The following AK5 variants were observed in gnomAD, a reference collection of about 807,000 sequenced individuals.
AK5 encodes the protein adenylate kinase isoenzyme 5.
AK5 carries 27 observed loss-of-function variants against 69.5 expected under a neutral mutation model. That is an observed-to-expected ratio of 0.39 (90% confidence interval 0.29 to 0.54). The LOEUF is 0.54. Ranked by LOEUF, AK5 falls within the 20% of genes least tolerant of loss-of-function variation. The pLI, the probability that AK5 is intolerant of heterozygous loss-of-function variation, is 0.71. For missense variants in AK5, 531 were observed against 700.4 expected (o/e 0.76, Z 2.73); for synonymous variants, 260 against 244.4 (o/e 1.06, Z -0.60).
intron 6 of AK5, among the ~76,000 whole-genome samples, chr1:77,404,857 A>G (rs989075299): frequency 6.6e-6 from 1 of 152,234 alleles, no homozygotes; most frequent in Non-Finnish European, 1.5e-5. Context: ...TAGTTATTCA[A>G]CAAATACTTG....
At chr1:77,344,592 A>AT (rs2100393739) in intron 6 of AK5, among the ~76,000 whole-genome samples, 1 of 152,278 alleles carries the variant, frequency 6.6e-6, no homozygotes, top group Admixed American at 6.5e-5. Flanking sequence ...TTGAAACTGT[A>AT]TAACTCTTGA....
In AK5 at chr1:77,367,589, T is replaced by TTATATATATGTAA. The variant is rs374382779; in HGVS notation, c.891+27028_891+27029insATGTAATATATAT. Among the ~76,000 whole-genome samples the TTATATATATGTAA allele has an allele frequency of 1.6e-4, 7 of 43,594 alleles. 1 individual carries two copies. The highest frequency in any genetic ancestry group is 4.8e-4 in the African/African-American group (6 of 12,480). The allele number at this position is 43,594 out of a possible 152,430, so 28.6% of individuals were successfully genotyped here. A position where few individuals can be genotyped will look rare whatever the true frequency, so the allele number is the denominator to read the frequency against. On this transcript the variant is annotated intron_variant, in intron 6 of 13. Transcript: ENST00000354567. ...TATATATATATATATAATATATATG[T>TTATATATATGTAA]TATATATGTAATATATATGTAATAT...
intron 6 of AK5, among the ~76,000 whole-genome samples, chr1:77,347,401 G>A (rs1350207984): frequency 6.6e-6 from 1 of 152,188 alleles, no homozygotes; most frequent in East Asian, 1.9e-4. Flanking sequence ...TTAACTGTGT[G>A]TAGAGCTGCC....
chr1:77,475,457 AATATATAT>A (rs1654857175), intron 8 of AK5, among the ~76,000 whole-genome samples: 1 of 5,180 alleles, frequency 1.9e-4, no homozygotes, highest in African/African-American at 3.3e-4. Context: ...TATATATACA[AATATATAT>A]TATATATGTA....
chr1:77,320,818 G>C (rs1262958355), intron 5 of AK5, among the ~76,000 whole-genome samples: 1 of 152,158 alleles, frequency 6.6e-6, no homozygotes, highest in Non-Finnish European at 1.5e-5. Flanking sequence ...CATTAAAGTA[G>C]ACTTCAGACA....
At chr1:77,504,798 T>C (rs1656935689) in intron 10 of AK5, among the ~76,000 whole-genome samples, 1 of 152,240 alleles carries the variant, frequency 6.6e-6, no homozygotes, top group South Asian at 2.1e-4. Flanking sequence ...AATCACACTA[T>C]ATAACTGTAT....
chr1:77,411,032 G>C lies in AK5; in HGVS notation c.943G>C (p.Val315Leu). ...GGTGTTCTATGACATCAGCATGGCA[G>C]TTGACAACAAGTTATTTCCAAACAA... ...DEVFYDISMA[V>L]DNKLFPNKEA... Residue 315 changes from valine (V) to leucine (L), a missense_variant, in exon 7 of 14, where the codon GTT becomes CTT. Val to Leu is a conservative substitution (Grantham distance 32, BLOSUM62 1). Transcript: ENST00000354567. 6.2e-7 allele frequency: 1 copy of C among 1,613,872 alleles called. No homozygotes were observed. Among genetic ancestry groups the C allele is most frequent in the Non-Finnish European group, 8.5e-7 (1 of 1,179,896 alleles).
rs1022236881 is a variant in AK5 at position 77,531,521 on chromosome 1, T to A, written c.1429-4326T>A. Among the ~76,000 whole-genome samples the A allele has an allele frequency of 5.3e-5, 8 of 152,124 alleles. No individual in the cohort carries two copies. The South Asian group carries it at 6.2e-4, about 12-fold the overall frequency. ...AAGGTTCTCCAAGTCCCCACCAGAG[T>A]AGCTAGATACAGAGTGTTGATTGGT... is the stretch of plus-strand genomic sequence containing the variant. On this transcript the variant is annotated intron_variant, in intron 12 of 13. Coordinates refer to ENST00000354567, the MANE Select transcript of AK5 (RefSeq NM_174858.3).
chr1:77,428,614 T>A (rs914122314), intron 8 of AK5, among the ~76,000 whole-genome samples: 24 of 152,204 alleles, frequency 1.6e-4, no homozygotes, highest in Admixed American at 2.6e-4. Context: ...TTAATTTTTT[T>A]AATTATACTT....
Position 77,559,756 on chromosome 1 carries a change from T to C in AK5, c.*1086T>C, listed in dbSNP as rs186075277. ...TCTCTTTTGTGCTATCAATCAGTTGTAAAATCAGAGCTGCTTATATATTCT... is the reference window on the plus strand; with the variant it reads ...TCTCTTTTGTGCTATCAATCAGTTGCAAAATCAGAGCTGCTTATATATTCT... On this transcript the variant is annotated 3_prime_UTR_variant, in exon 14 of 14. Transcript: ENST00000354567. The C allele has an allele frequency of 6.6e-6, 1 of 152,374 alleles. No individual in the cohort carries two copies. The highest frequency in any genetic ancestry group is 1.9e-4 in the East Asian group (1 of 5,194). The allele number at this position is 152,374 out of a possible 1,614,324, so 9.4% of individuals were successfully genotyped here. A position where few individuals can be genotyped will look rare whatever the true frequency, so the allele number is the denominator to read the frequency against.
At chr1:77,553,470 A>ATT (rs777793194) in intron 13 of AK5, among the ~76,000 whole-genome samples, 88 of 152,312 alleles carry the variant, frequency 5.8e-4, no homozygotes, top group Non-Finnish European at 1.1e-3. Flanking sequence ...GTAGTGAGAA[A>ATT]ATTCACATGC....
At chr1:77,468,278 T>G (rs1319686222) in intron 8 of AK5, among the ~76,000 whole-genome samples, 1 of 152,210 alleles carries the variant, frequency 6.6e-6, no homozygotes, top group Admixed American at 6.5e-5. Flanking sequence ...AACCTTCACC[T>G]CAAGTCAGGC....
chr1:77,341,619 G>C (rs1053910472), intron 6 of AK5, among the ~76,000 whole-genome samples: 1 of 152,210 alleles, frequency 6.6e-6, no homozygotes, highest in African/African-American at 2.4e-5. Context: ...CTCTTCATTA[G>C]ACTAGGATGC....
At chr1:77,512,520 G>A (rs17384946) in intron 10 of AK5, among the ~76,000 whole-genome samples, 25,660 of 150,784 alleles carry the variant, frequency 0.17, 2,439 homozygotes, top group Non-Finnish European at 0.18. Context: ...TTGGGGGAAC[G>A]GGACAAATTT....
At chr1:77,482,026 AGAG>A (rs946259165) in intron 8 of AK5, among the ~76,000 whole-genome samples, 8 of 152,266 alleles carry the variant, frequency 5.3e-5, no homozygotes, top group Admixed American at 6.5e-5. Flanking sequence ...TACATTGATC[AGAG>A]AAAAAGCAAG....
chr1:77,416,121 G>A (rs1381124487), intron 7 of AK5, among the ~76,000 whole-genome samples: 10 of 151,436 alleles, frequency 6.6e-5, no homozygotes, highest in African/African-American at 1.7e-4. Context: ...GCTTTACGAC[G>A]GCTGAGTATT....
At chr1:77,297,410 A>G (rs1037730116) in intron 3 of AK5, 149 bp from the exon 4 acceptor site, 10 of 606,900 alleles carry the variant, frequency 1.6e-5, no homozygotes, top group Middle Eastern at 3.6e-4. Context: ...CTTTACATTC[A>G]AAGGCAGCAC....
chr1:77,504,990 G>T (rs1043462392), intron 10 of AK5, among the ~76,000 whole-genome samples: 5 of 152,094 alleles, frequency 3.3e-5, no homozygotes, highest in Non-Finnish European at 7.4e-5. Flanking sequence ...CTAAAACAGT[G>T]ATTTTTTTCT....
At chr1:77,526,625 G>A (rs1381833935) in intron 12 of AK5, among the ~76,000 whole-genome samples, 8 of 151,552 alleles carry the variant, frequency 5.3e-5, no homozygotes, top group South Asian at 2.1e-4. Flanking sequence ...ACAGGCGCCC[G>A]CCACCACACC....
Sources: allele counts gnomAD v4.1 joint callset (sites outside exome capture counted in the v4.1 genomes callset), GRCh38; gene constraint gnomAD v4.1.1; transcripts MANE v1.5; gene names NCBI Gene and HGNC (gene_info 2026-07-23, HGNC 2026-07-21).